Variants in CMSS1 observed in about 807,000 individuals in gnomAD.
CMSS1 encodes cms1 ribosomal small subunit homolog, also known as protein CMSS1.
In CMSS1, 33 loss-of-function variants were observed where a neutral mutation model predicts 43.5. That is an observed-to-expected ratio of 0.76 (90% CI 0.57 to 1.01). The LOEUF (loss-of-function observed/expected upper bound fraction) is 1.01. Among genes scored for constraint, CMSS1 ranks in the 50% least tolerant of loss-of-function variants. The probability of loss-of-function intolerance (pLI) is 0.00; values close to 1 mark genes in which losing one functional copy is unlikely to be tolerated. For missense variants in CMSS1, 313 were observed against 326.4 expected, an observed-to-expected ratio of 0.96 and a Z score of 0.32; for synonymous variants, 115 against 117.2, an observed-to-expected ratio of 0.98 and a Z score of 0.12.
At chr3:100,002,624 T>A (rs1320061349) in intron 1 of CMSS1, among the ~76,000 whole-genome samples, 2 of 152,190 alleles carry the variant, frequency 1.3e-5, no homozygotes, top group African/African-American at 4.8e-5. Context: ...TATCTGTCCA[T>A]CATATGGGTG....
intron 1 of CMSS1, among the ~76,000 whole-genome samples, chr3:100,116,229 A>C (rs1408674257): frequency 6.6e-6 from 1 of 152,176 alleles, no homozygotes; most frequent in Non-Finnish European, 1.5e-5. Context: ...ATACTTGGAG[A>C]CTAGGTAAAC....
chr3:100,082,062 A>C (rs2065940684), intron 1 of CMSS1, among the ~76,000 whole-genome samples: 1 of 152,242 alleles, frequency 6.6e-6, no homozygotes, highest in African/African-American at 2.4e-5. Flanking sequence ...AAAAAGTGCT[A>C]CATGAGCCTC....
chr3:99,933,819 A>T (rs905122878), intron 1 of CMSS1, among the ~76,000 whole-genome samples: 3 of 152,204 alleles, frequency 2.0e-5, no homozygotes, highest in African/African-American at 7.2e-5. Flanking sequence ...CATAATGGGC[A>T]TGCATTAGGG....
chr3:99,957,446 A>ATG (rs1165463181), intron 1 of CMSS1, among the ~76,000 whole-genome samples: 3 of 152,144 alleles, frequency 2.0e-5, no homozygotes, highest in Non-Finnish European at 4.4e-5. Flanking sequence ...ATCTACACAT[A>ATG]TGTGTGTATA....
At chr3:100,165,909 C>T (rs2067061908) in intron 4 of CMSS1, among the ~76,000 whole-genome samples, 1 of 152,180 alleles carries the variant, frequency 6.6e-6, no homozygotes, top group South Asian at 2.1e-4. Flanking sequence ...TGGTATTATA[C>T]ATATTGCTAA....
chr3:100,008,820 A>G (rs1431995667), intron 1 of CMSS1, among the ~76,000 whole-genome samples: 1 of 152,198 alleles, frequency 6.6e-6, no homozygotes, highest in East Asian at 1.9e-4. Flanking sequence ...TGTCATCAAT[A>G]AACAGTTGTT....
intron 1 of CMSS1, chr3:99,848,069 G>C: frequency 7.6e-7 from 1 of 1,310,030 alleles, no homozygotes; most frequent in Non-Finnish European, 9.7e-7. Context: ...TTCCATACAA[G>C]TATGTAAATG....
intron 2 of CMSS1, among the ~76,000 whole-genome samples, chr3:100,148,366 C>T (rs138404253): frequency 4.1e-4 from 62 of 152,278 alleles, no homozygotes; most frequent in East Asian, 1.2e-3. Context: ...AGGCATGAGC[C>T]GCAGTGCCTG....
At chr3:99,848,868 T>A in intron 1 of CMSS1, 4 of 1,614,170 alleles carry the variant, frequency 2.5e-6, no homozygotes, top group Non-Finnish European at 3.4e-6. Flanking sequence ...CACAGTTCGG[T>A]ATCACTGCAG....
intron 1 of CMSS1, among the ~76,000 whole-genome samples, chr3:99,841,448 C>T (rs914149786): frequency 1.3e-4 from 20 of 152,182 alleles, no homozygotes; most frequent in Non-Finnish European, 2.6e-4. Context: ...AAGGTCCTCT[C>T]TCGGAAGTCT....
chr3:100,168,208 G>A (rs1261024876), intron 6 of CMSS1, among the ~76,000 whole-genome samples: 3 of 152,158 alleles, frequency 2.0e-5, no homozygotes, highest in African/African-American at 7.2e-5. Flanking sequence ...AGGTAGAGGG[G>A]AGAGTAAGCA....
chr3:99,899,987 G>A (rs983990577), intron 1 of CMSS1, among the ~76,000 whole-genome samples: 4 of 152,108 alleles, frequency 2.6e-5, no homozygotes, highest in Admixed American at 6.6e-5. Context: ...CTTTGAAATC[G>A]TATAATTCTG....
At chr3:99,823,453 C>T (rs1419314213) in intron 1 of CMSS1, among the ~76,000 whole-genome samples, 2 of 152,226 alleles carry the variant, frequency 1.3e-5, no homozygotes, top group Non-Finnish European at 2.9e-5. Flanking sequence ...AAAGGCCTAG[C>T]AGTATTCTGA....
chr3:100,055,775 C>G (rs1012851821), intron 1 of CMSS1, among the ~76,000 whole-genome samples: 3 of 152,172 alleles, frequency 2.0e-5, no homozygotes, highest in Non-Finnish European at 4.4e-5. Flanking sequence ...AGAGAAAAAT[C>G]TAGCCTTAAA....
intron 1 of CMSS1, among the ~76,000 whole-genome samples, chr3:99,831,111 G>A (rs1453131216): frequency 3.3e-5 from 5 of 152,202 alleles, no homozygotes; most frequent in African/African-American, 1.2e-4. Context: ...CTAGGATGTA[G>A]AGAGGCAGTC....
Position 99,971,890 on chromosome 3 carries a change from G to T in CMSS1, c.64+153847G>T, listed in dbSNP as rs1326161436. 2.6e-5 allele frequency among the ~76,000 whole-genome samples: 4 copies of T among 152,330 alleles called. No individual in the cohort carries two copies. The East Asian group carries it at 5.8e-4, about 22-fold the overall frequency. ...TAAAAAGCACCTATATACTCTTTTG[G>T]TAGGATTTGGTACAGGTAGGATTAT... On this transcript the variant is annotated intron_variant, in intron 1 of 9. Coordinates refer to ENST00000421999, the MANE Select transcript of CMSS1 (RefSeq NM_032359.4).
At chr3:100,024,102 C>T (rs956470035) in intron 1 of CMSS1, among the ~76,000 whole-genome samples, 1 of 152,136 alleles carries the variant, frequency 6.6e-6, no homozygotes, top group African/African-American at 2.4e-5. Context: ...ACATCTTCCA[C>T]ACTCCGTCTT....
intron 1 of CMSS1, among the ~76,000 whole-genome samples, chr3:100,013,141 T>G (rs1376548391): frequency 6.6e-6 from 1 of 152,140 alleles, no homozygotes; most frequent in Non-Finnish European, 1.5e-5. Context: ...CCTCCCAAAG[T>G]GCTGGGATTG....
intron 1 of CMSS1, among the ~76,000 whole-genome samples, chr3:100,075,886 G>C (rs34922392): frequency 6.6e-6 from 1 of 151,932 alleles, no homozygotes; most frequent in African/African-American, 2.4e-5. Context: ...TAATCCTTCT[G>C]GGGTATTAGG....
Sources: allele counts gnomAD v4.1 joint callset (sites outside exome capture counted in the v4.1 genomes callset), GRCh38; gene constraint gnomAD v4.1.1; transcripts MANE v1.5; gene names NCBI Gene and HGNC (gene_info 2026-07-23, HGNC 2026-07-21).